Variants in NAV2 observed in about 807,000 individuals in gnomAD.
NAV2 encodes the protein neuron navigator 2.
In NAV2, 54 loss-of-function variants were observed where a neutral mutation model predicts 223.2. That is an observed-to-expected ratio of 0.24 (90% CI 0.19 to 0.30). NAV2 has a LOEUF of 0.30. Ranked by LOEUF, NAV2 falls within the 10% of genes least tolerant of loss-of-function variation. NAV2 has a pLI of 1.00. For missense variants in NAV2, 2,806 were observed against 3,147.5 expected (o/e 0.89, Z 2.60); for synonymous variants, 1,279 against 1,239.3 (o/e 1.03, Z -0.67).
intron 14 of NAV2, among the ~76,000 whole-genome samples, chr11:20,046,916 A>G (rs1033255920): frequency 1.3e-5 from 2 of 152,220 alleles, no homozygotes; most frequent in African/African-American, 4.8e-5. Context: ...AAAATCAAGC[A>G]GTGAGAAAAT....
intron 6 of NAV2, among the ~76,000 whole-genome samples, chr11:19,904,776 C>G (rs983406150): frequency 1.3e-5 from 2 of 152,130 alleles, no homozygotes; most frequent in African/African-American, 4.8e-5. Context: ...TGAATAGGCT[C>G]TCTTGAGAGT....
chr11:19,705,802 G>T (rs2049645773), intron 1 of NAV2, among the ~76,000 whole-genome samples: 1 of 152,132 alleles, frequency 6.6e-6, no homozygotes, highest in South Asian at 2.1e-4. Context: ...TGGCACTTTT[G>T]TCTGTGTTTT....
At chr11:19,466,407 G>A (rs1160784261) in intron 1 of NAV2, among the ~76,000 whole-genome samples, 3 of 152,204 alleles carry the variant, frequency 2.0e-5, no homozygotes, top group Non-Finnish European at 2.9e-5. Flanking sequence ...GGTGAAGCCT[G>A]CAGTTTCTCT....
intron 1 of NAV2, among the ~76,000 whole-genome samples, chr11:19,689,283 G>A (rs1448506320): frequency 2.0e-5 from 3 of 152,232 alleles, no homozygotes; most frequent in Non-Finnish European, 4.4e-5. Flanking sequence ...ATTCAAGGGA[G>A]TCAGCATGCC....
intron 25 of NAV2, 109 bp downstream of exon 25, chr11:20,080,318 G>A (rs943361122): frequency 4.8e-6 from 5 of 1,040,138 alleles, no homozygotes; most frequent in Non-Finnish European, 7.0e-6. Context: ...GTGGAACATA[G>A]CACTTTGGGC....
chr11:19,905,329 A>C (rs1485627311), intron 6 of NAV2, among the ~76,000 whole-genome samples: 1 of 151,882 alleles, frequency 6.6e-6, no homozygotes, highest in Non-Finnish European at 1.5e-5. Context: ...CTTCATGAGA[A>C]GTCACATGTG....
intron 1 of NAV2, among the ~76,000 whole-genome samples, chr11:19,592,288 A>G (rs2046082786): frequency 6.6e-6 from 1 of 152,076 alleles, no homozygotes; most frequent in African/African-American, 2.4e-5. Context: ...CTTAATGATC[A>G]GGTTCTCTCT....
intron 1 of NAV2, among the ~76,000 whole-genome samples, chr11:19,438,371 A>G (rs1343204358): frequency 6.6e-6 from 1 of 152,204 alleles, no homozygotes; most frequent in Non-Finnish European, 1.5e-5. Flanking sequence ...TTTGGATGCA[A>G]GCAGCCCTAT....
chr11:19,627,534 G>T (rs2047205862), intron 1 of NAV2, among the ~76,000 whole-genome samples: 1 of 152,090 alleles, frequency 6.6e-6, no homozygotes, highest in African/African-American at 2.4e-5. Flanking sequence ...GACCTCATCA[G>T]TCCCAGCAAA....
chr11:19,535,875 CTGGGTGT>C (rs1199520300), intron 1 of NAV2, among the ~76,000 whole-genome samples: 6 of 152,174 alleles, frequency 3.9e-5, no homozygotes, highest in African/African-American at 1.4e-4. Flanking sequence ...TGGGGACCTT[CTGGGTGT>C]AGATCTTTTG....
At chr11:19,837,690 G>A (rs969405075) in intron 2 of NAV2, among the ~76,000 whole-genome samples, 3 of 152,104 alleles carry the variant, frequency 2.0e-5, no homozygotes, top group Middle Eastern at 3.4e-3. Flanking sequence ...AAAAAAACTG[G>A]GCTACATTGT....
chr11:19,763,778 T>C (rs2054970839), intron 1 of NAV2, among the ~76,000 whole-genome samples: 1 of 119,198 alleles, frequency 8.4e-6, no homozygotes, highest in South Asian at 2.4e-4. Context: ...CGTTGTTGTT[T>C]TTTTGTTTTT....
chr11:20,112,349 G>C (rs972891280), intron 36 of NAV2, among the ~76,000 whole-genome samples: 1 of 152,154 alleles, frequency 6.6e-6, no homozygotes, highest in Non-Finnish European at 1.5e-5. Context: ...CAACAGACTG[G>C]GCCAGAGCGC....
intron 1 of NAV2, among the ~76,000 whole-genome samples, chr11:19,648,864 A>C (rs1220094088): frequency 1.3e-5 from 2 of 152,206 alleles, no homozygotes; most frequent in Non-Finnish European, 2.9e-5. Flanking sequence ...AATTGTCCAA[A>C]TTTCTGCCAC....
chr11:19,709,088 CG>C (rs2049771579), upstream of NAV2, among the ~76,000 whole-genome samples: 1 of 151,768 alleles, frequency 6.6e-6, no homozygotes, highest in Non-Finnish European at 1.5e-5. Context: ...ACTTATAGGC[CG>C]TTTTTATAAT....
At chr11:19,957,146 A>C (rs1565641667) in intron 10 of NAV2, among the ~76,000 whole-genome samples, 1 of 152,176 alleles carries the variant, frequency 6.6e-6, no homozygotes, top group Non-Finnish European at 1.5e-5. Flanking sequence ...TAAAAGATGC[A>C]ATGAGGCTCC....
At chr11:19,497,590 T>G (rs1228211831) in intron 1 of NAV2, among the ~76,000 whole-genome samples, 1 of 152,168 alleles carries the variant, frequency 6.6e-6, no homozygotes, top group Admixed American at 6.5e-5. Context: ...CATCCATGGT[T>G]AGACAAACAG....
intron 1 of NAV2, among the ~76,000 whole-genome samples, chr11:19,408,955 G>A (rs1050269002): frequency 6.1e-5 from 9 of 147,524 alleles, no homozygotes; most frequent in Non-Finnish European, 7.5e-5. Context: ...TTCATACTTG[G>A]CTTTCTTCAT....
intron 1 of NAV2, among the ~76,000 whole-genome samples, chr11:19,762,362 A>G (rs2054828471): frequency 6.6e-6 from 1 of 152,138 alleles, no homozygotes; most frequent in Non-Finnish European, 1.5e-5. Flanking sequence ...AATCCCTACA[A>G]TGATATGCAA....
Sources: gnomAD v4.1 joint callset for allele counts (sites outside exome capture counted in the v4.1 genomes callset) on GRCh38, gnomAD v4.1.1 for gene constraint, MANE v1.5 for transcripts, NCBI Gene and HGNC (gene_info 2026-07-23, HGNC 2026-07-21) for gene names.